The following ACACB variants were observed in gnomAD, a reference collection of about 807,000 sequenced individuals.
The protein encoded by ACACB is acetyl-CoA carboxylase 2.
Under a neutral mutation model 278.8 loss-of-function variants are expected in ACACB, and 209 were observed. The ratio of observed to expected loss-of-function variants is 0.75; its 90% CI spans 0.67 to 0.84. The LOEUF is 0.84. Ranked by LOEUF, ACACB falls within the 40% of genes least tolerant of loss-of-function variation. ACACB has a pLI of 0.00. For missense variants in ACACB, 2,850 were observed against 3,269.0 expected (o/e 0.87, Z 3.13); for synonymous variants, 1,174 against 1,285.6 (o/e 0.91, Z 1.86).
At chr12:109,112,438 C>T (rs2042322907), upstream of ACACB, among the ~76,000 whole-genome samples, 1 of 151,882 alleles carries the variant, frequency 6.6e-6, no homozygotes, top group African/African-American at 2.4e-5. Context: ...TGTGGGGGCT[C>T]ACGCCTGTAA....
At chr12:109,211,831 G>A (rs1368732971) in intron 21 of ACACB, among the ~76,000 whole-genome samples, 1 of 152,128 alleles carries the variant, frequency 6.6e-6, no homozygotes, top group African/African-American at 2.4e-5. Context: ...AATAACAAAA[G>A]CCAAACTCTA....
chr12:109,194,511 C>CGTGTGTGTGT (rs529461816), intron 16 of ACACB, among the ~76,000 whole-genome samples: 561 of 54,324 alleles, frequency 0.01, 14 homozygotes, highest in South Asian at 0.02. Context: ...TCTGTGTGTG[C>CGTGTGTGTGT]ATGTGTGTGT....
chr12:109,235,549 A>G (rs1033049227), intron 32 of ACACB, 57 bp from the exon 33 acceptor site: 3 of 1,511,244 alleles, frequency 2.0e-6, no homozygotes, highest in African/African-American at 2.8e-5. Context: ...AAGGATGTAC[A>G]TATTTCAGTG....
Position 109,166,660 on chromosome 12 carries a change from A to AAAAAAC in ACACB, c.654-196_654-195insCAAAAA, listed in dbSNP as rs1350907392. Among the ~76,000 whole-genome samples, 3 of 141,436 alleles carry AAAAAAC rather than the reference A, an allele frequency of 2.1e-5. 1 individual carries two copies. Among genetic ancestry groups the AAAAAAC allele is most frequent in the African/African-American group, 7.7e-5 (3 of 39,024 alleles). 92.8% of individuals were successfully genotyped at this position (141,436 alleles called of 152,430 possible). A position where few individuals can be genotyped will look rare whatever the true frequency, so the allele number is the denominator to read the frequency against. Reference sequence around the variant, plus strand: ...ATGAGATCCCGTCTCAAAAAAAAAAAAAAAAAAAAAAAAAAAACCGAAGGT... The same window carrying AAAAAAC: ...ATGAGATCCCGTCTCAAAAAAAAAAAAAAAACAAAAAAAAAAAAAAAAACCGAAGGT... On this transcript the variant is annotated intron_variant, in intron 2 of 52. Transcript: ENST00000338432.
chr12:109,234,675 T>C (rs112579361), intron 31 of ACACB, among the ~76,000 whole-genome samples: 1 of 151,990 alleles, frequency 6.6e-6, no homozygotes, highest in African/African-American at 2.4e-5. Flanking sequence ...CTGGAAGCCA[T>C]CATCCTCAGC....
intron 33 of ACACB, chr12:109,235,935 G>T: frequency 2.9e-6 from 1 of 350,438 alleles, no homozygotes; most frequent in Non-Finnish European, 5.2e-6. Context: ...GGAAATAGAG[G>T]TTTCAGTGAG....
At chr12:109,119,154 T>C (rs568530684) in intron 1 of ACACB, among the ~76,000 whole-genome samples, 15 of 152,182 alleles carry the variant, frequency 9.9e-5, no homozygotes, top group Non-Finnish European at 1.8e-4. Flanking sequence ...TCAGAGAATT[T>C]CCATGATGGG....
At chr12:109,168,642 CCT>C (rs1419339310) in intron 4 of ACACB, among the ~76,000 whole-genome samples, 6 of 151,550 alleles carry the variant, frequency 4.0e-5, no homozygotes, top group Non-Finnish European at 8.8e-5. Context: ...ATAATAAGAC[CCT>C]GTCTCTACAA....
At position 109,264,266 on chromosome 12, in the gene ACACB, C is replaced by T. The variant is rs1049627949; in HGVS notation, c.6822C>T (p.Asp2274=). Residue 2274 remains aspartate, a synonymous_variant, in exon 50 of 53, where the codon GAC becomes GAT. Transcript: ENST00000338432. ...ATCTCTCCGACAAGGACCGAAAGGACCTGGAGGGCCGGCTAAAGGCTCGCG... is the reference window on the plus strand; with the variant it reads ...ATCTCTCCGACAAGGACCGAAAGGATCTGGAGGGCCGGCTAAAGGCTCGCG... ...EPDLSDKDRK[D]LEGRLKARED... The T allele has an allele frequency of 1.2e-6, 2 of 1,614,068 alleles. No individual in the cohort carries two copies. Among genetic ancestry groups the T allele is most frequent in the Non-Finnish European group, 1.7e-6 (2 of 1,180,048 alleles).
chr12:109,180,238 T>C, intron 11 of ACACB, 151 bp downstream of exon 11: 1 of 740,946 alleles, frequency 1.3e-6, no homozygotes, highest in Admixed American at 3.0e-5. Context: ...GTAAAAGCTA[T>C]AGTTCTCCCT....
intron 15 of ACACB, among the ~76,000 whole-genome samples, chr12:109,193,024 C>G (rs1023312124): frequency 1.8e-4 from 27 of 152,114 alleles, no homozygotes; most frequent in Admixed American, 1.3e-3. Flanking sequence ...AGTCCCTGCT[C>G]TGGTTTCTTT....
chr12:109,249,030 C>T (rs1448511719), intron 40 of ACACB: 1 of 152,106 alleles, frequency 6.6e-6, no homozygotes, highest in Non-Finnish European at 1.5e-5. Flanking sequence ...TTGTATAAAC[C>T]AAAAAGTATC....
intron 22 of ACACB, among the ~76,000 whole-genome samples, chr12:109,215,236 G>A (rs2045959254): frequency 6.6e-6 from 1 of 151,762 alleles, no homozygotes; most frequent in Non-Finnish European, 1.5e-5. Context: ...GTTAAAGCTT[G>A]CTAAAATTGG....
chr12:109,180,130 G>C, intron 11 of ACACB, 43 bp downstream of exon 11: 1 of 1,592,876 alleles, frequency 6.3e-7, no homozygotes, highest in East Asian at 2.3e-5. Flanking sequence ...TCTGCCCTGG[G>C]TCAGGGGTCC....
chr12:109,265,068 C>G, intron 50 of ACACB, 42 bp from the exon 51 acceptor site: 1 of 1,575,590 alleles, frequency 6.3e-7, no homozygotes, highest in Non-Finnish European at 8.6e-7. Context: ...TGTCCCGTCT[C>G]CTCCTTCCCT....
rs1172005414 is a variant in ACACB, at chr12:109,246,280, C to G, written c.5403C>G (p.Ser1801=). 6.2e-7 allele frequency: 1 copy of G among 1,613,144 alleles called. No individual in the cohort carries two copies. Among genetic ancestry groups the G allele is most frequent in the South Asian group, 1.1e-5 (1 of 90,978 alleles). The change falls in exon 39 of 53, where the codon TCC becomes TCG. Residue 1801 remains serine (S), a synonymous_variant. Transcript: ENST00000338432. ...ATGACATCACCTTTCGCATTGGATCCTTTGGCCCTGGAGAGGACCTTCTGT... is the reference window on the plus strand; with the variant it reads ...ATGACATCACCTTTCGCATTGGATCGTTTGGCCCTGGAGAGGACCTTCTGT... ...IGNDITFRIG[S]FGPGEDLLYL...
rs12582822 is a variant in ACACB at position 109,125,010 on chromosome 12, G to A, written c.-10+8306G>A. 0.023 allele frequency among the ~76,000 whole-genome samples: 3,479 copies of A among 152,180 alleles called. 221 individuals carry two copies. In the East Asian group the frequency reaches 0.25, roughly 11 times the overall value. Reference sequence around the variant, plus strand: ...ATTACAGGCATGAGCCACTGTGCCCGGCCCAACTCTCATTGTTCTCTACCA... The same window carrying A: ...ATTACAGGCATGAGCCACTGTGCCCAGCCCAACTCTCATTGTTCTCTACCA... On this transcript the variant is annotated intron_variant, in intron 1 of 52. Transcript: ENST00000338432.
chr12:109,189,643 G>A (rs777772863), intron 13 of ACACB, among the ~76,000 whole-genome samples: 11 of 152,156 alleles, frequency 7.2e-5, no homozygotes, highest in African/African-American at 1.9e-4. Flanking sequence ...TCACTCACCC[G>A]TGAGACCAGC....
At chr12:109,171,013 A>ATTTTTTTTTTTTTTTTTTTTTTTTTTTT in intron 4 of ACACB, among the ~76,000 whole-genome samples, 1 of 106,530 alleles carries the variant, frequency 9.4e-6, no homozygotes, top group Non-Finnish European at 1.8e-5. Context: ...CTTTTTTTGG[A>ATTTTTTTTTTTTTTTTTTTTTTTTTTTT]TTTTTTTTTT....
Sources: gnomAD v4.1 joint callset for allele counts (sites outside exome capture counted in the v4.1 genomes callset) on GRCh38, gnomAD v4.1.1 for gene constraint, MANE v1.5 for transcripts, NCBI Gene and HGNC (gene_info 2026-07-23, HGNC 2026-07-21) for gene names.